The following DENND1B variants were observed in gnomAD, a reference collection of about 807,000 sequenced individuals.
DENND1B encodes the protein DENN domain-containing protein 1B.
Under a neutral mutation model 90.1 loss-of-function variants are expected in DENND1B, and 59 were observed. The ratio of observed to expected loss-of-function variants is 0.65; its 90% CI spans 0.53 to 0.81. The LOEUF is 0.81. Among genes scored for constraint, DENND1B ranks in the 40% least tolerant of loss-of-function variants. The pLI is 0.00. For synonymous variants in DENND1B, 337 were observed against 324.6 expected (o/e 1.04, Z -0.41); for missense variants, 862 against 912.6 (o/e 0.94, Z 0.71).
At chr1:197,733,049 T>A (rs187118536) in intron 2 of DENND1B, among the ~76,000 whole-genome samples, 1 of 152,240 alleles carries the variant, frequency 6.6e-6, no homozygotes, top group African/African-American at 2.4e-5. Context: ...CATGATCATA[T>A]TAAACAAGGA....
At chr1:197,554,314 G>A (rs1322653954) in intron 15 of DENND1B, among the ~76,000 whole-genome samples, 1 of 151,980 alleles carries the variant, frequency 6.6e-6, no homozygotes, top group Admixed American at 6.6e-5. Context: ...TTTTTGCAAG[G>A]AGGACTTGAA....
At chr1:197,615,048 ACTT>A (rs1256649324) in intron 11 of DENND1B, among the ~76,000 whole-genome samples, 5 of 150,988 alleles carry the variant, frequency 3.3e-5, no homozygotes, top group Non-Finnish European at 7.4e-5. Flanking sequence ...ACTGTAGGCC[ACTT>A]CTTCTTATGT....
chr1:197,616,211 C>G (rs1677633454), intron 11 of DENND1B, among the ~76,000 whole-genome samples: 1 of 150,702 alleles, frequency 6.6e-6, no homozygotes, highest in South Asian at 2.1e-4. Context: ...TTTCCAAATA[C>G]TGCTGTAAAA....
intron 20 of DENND1B, among the ~76,000 whole-genome samples, chr1:197,534,252 G>A (rs1045524907): frequency 7.9e-5 from 12 of 152,152 alleles, no homozygotes; most frequent in Non-Finnish European, 1.2e-4. Context: ...ATTTCCACTT[G>A]TACCTGTTTT....
intron 13 of DENND1B, among the ~76,000 whole-genome samples, chr1:197,601,331 G>C (rs577559588): frequency 6.6e-6 from 1 of 151,702 alleles, no homozygotes; most frequent in African/African-American, 2.4e-5. Context: ...ATCTGTGATG[G>C]TGCTCAGAAA....
intron 15 of DENND1B, among the ~76,000 whole-genome samples, chr1:197,580,087 C>CTTTTTTTTTTTT (rs139056668): frequency 2.1e-4 from 16 of 76,754 alleles, no homozygotes; most frequent in East Asian, 8.8e-4. Flanking sequence ...TTCTTTCTTT[C>CTTTTTTTTTTTT]TTTTTTTTTT....
At position 197,775,167 on chromosome 1, in the gene DENND1B, G is replaced by A. The variant is rs973839503; in HGVS notation, c.-12C>T. ...GTCCTGCAGTCCATGGTTACATGTC[G>A]GTGTGGGGCTGTCCGTCCGGCCCCC... On this transcript the variant is annotated 5_prime_UTR_variant, in exon 1 of 23. Transcript: ENST00000620048. The A allele has an allele frequency of 1.0e-5, 13 of 1,291,474 alleles. No individual in the cohort carries two copies. The African/African-American group carries it at 2.0e-4, about 20-fold the overall frequency. 80.0% of individuals were successfully genotyped at this position (1,291,474 alleles called of 1,614,324 possible).
Position 197,507,503 on chromosome 1 carries a change from C to T in DENND1B, c.*2957G>A, listed in dbSNP as rs577374595. On this transcript the variant is annotated 3_prime_UTR_variant, in exon 23 of 23. Transcript: ENST00000620048. Reference sequence around the variant, plus strand: ...ATTTCTCTATACCCCTGAAATACCACGGATGCAATATCTAAGGGTAAAAAG... The same window carrying T: ...ATTTCTCTATACCCCTGAAATACCATGGATGCAATATCTAAGGGTAAAAAG... 1.3e-5 allele frequency: 2 copies of T among 151,430 alleles called. No homozygotes were observed. The highest frequency in any genetic ancestry group is 2.4e-5 in the African/African-American group (1 of 41,408). The allele number at this position is 151,430 out of a possible 1,614,324, so 9.4% of individuals were successfully genotyped here. A position where few individuals can be genotyped will look rare whatever the true frequency, so the allele number is the denominator to read the frequency against.
At chr1:197,571,351 A>G (rs950018898) in intron 15 of DENND1B, among the ~76,000 whole-genome samples, 1 of 152,206 alleles carries the variant, frequency 6.6e-6, no homozygotes, top group Admixed American at 6.5e-5. Flanking sequence ...ATGCCATTCT[A>G]ACCTCATTTA....
At chr1:197,575,409 G>C (rs982949116) in intron 15 of DENND1B, among the ~76,000 whole-genome samples, 15 of 152,134 alleles carry the variant, frequency 9.9e-5, no homozygotes, top group African/African-American at 3.6e-4. Flanking sequence ...TTAGAATGGT[G>C]ATCATTAAAA....
At chr1:197,561,826 C>T (rs1672192005) in intron 15 of DENND1B, among the ~76,000 whole-genome samples, 2 of 151,826 alleles carry the variant, frequency 1.3e-5, no homozygotes, top group South Asian at 4.1e-4. Flanking sequence ...ATCTTTATAT[C>T]AAATCCTTCA....
At chr1:197,592,910 A>G (rs1169480161) in intron 14 of DENND1B, among the ~76,000 whole-genome samples, 2 of 152,172 alleles carry the variant, frequency 1.3e-5, no homozygotes, top group African/African-American at 4.8e-5. Context: ...ACACCTACTG[A>G]GTAATATTTT....
intron 13 of DENND1B, among the ~76,000 whole-genome samples, chr1:197,600,265 A>G (rs1676083173): frequency 6.6e-6 from 1 of 151,872 alleles, no homozygotes; most frequent in African/African-American, 2.4e-5. Context: ...ACCAACATCT[A>G]TTCTCCCTTT....
intron 16 of DENND1B, 132 bp from the exon 17 acceptor site, chr1:197,546,905 T>C (rs1401366865): frequency 1.5e-5 from 10 of 685,632 alleles, no homozygotes; most frequent in Non-Finnish European, 2.4e-5. Flanking sequence ...AAAGTAGTTC[T>C]AATAAAATCC....
At chr1:197,560,006 CA>C (rs1672031109) in intron 15 of DENND1B, among the ~76,000 whole-genome samples, 1 of 151,724 alleles carries the variant, frequency 6.6e-6, no homozygotes, top group African/African-American at 2.4e-5. Flanking sequence ...TATCAGGCTC[CA>C]GTATACTAAA....
chr1:197,518,836 G>T (rs1054770426), intron 20 of DENND1B, among the ~76,000 whole-genome samples: 1 of 151,832 alleles, frequency 6.6e-6, no homozygotes, highest in Non-Finnish European at 1.5e-5. Context: ...GAACACAAGT[G>T]GGGAGACTGT....
intron 3 of DENND1B, among the ~76,000 whole-genome samples, chr1:197,705,557 A>G (rs1659444685): frequency 6.6e-6 from 1 of 152,048 alleles, no homozygotes; most frequent in South Asian, 2.1e-4. Flanking sequence ...CCTGACAAGT[A>G]CATTATCACT....
intron 13 of DENND1B, among the ~76,000 whole-genome samples, chr1:197,601,145 C>T (rs925229772): frequency 6.6e-6 from 1 of 151,708 alleles, no homozygotes; most frequent in South Asian, 2.1e-4. Flanking sequence ...ACACCATAAA[C>T]TCTATGAAAT....
At chr1:197,593,841 T>C (rs997660054) in intron 14 of DENND1B, among the ~76,000 whole-genome samples, 1 of 152,114 alleles carries the variant, frequency 6.6e-6, no homozygotes, top group Admixed American at 6.6e-5. Context: ...TTCCTTCCCA[T>C]ACTGTAAACT....
Sources: gnomAD v4.1 joint callset for allele counts (sites outside exome capture counted in the v4.1 genomes callset) on GRCh38, gnomAD v4.1.1 for gene constraint, MANE v1.5 for transcripts, NCBI Gene and HGNC (gene_info 2026-07-23, HGNC 2026-07-21) for gene names.